Variants in TRAPPC12 observed in about 807,000 individuals in gnomAD.
TRAPPC12 encodes the protein trafficking protein particle complex subunit 12, also known as TPR repeat protein 15.
Under a neutral mutation model 69.2 loss-of-function variants are expected in TRAPPC12, and 61 were observed. The observed-to-expected ratio is 0.88, with a 90% CI of 0.72 to 1.09. TRAPPC12 has a LOEUF of 1.09. Ranked by LOEUF, TRAPPC12 falls within the 50% of genes least tolerant of loss-of-function variation. The pLI is 0.00. For missense variants in TRAPPC12, 1,101 were observed against 1,016.4 expected, an observed-to-expected ratio of 1.08 and a Z score of -1.13; for synonymous variants, 469 against 438.9, an observed-to-expected ratio of 1.07 and a Z score of -0.86.
chr2:3,401,446 CT>C, intron 2 of TRAPPC12, among the ~76,000 whole-genome samples: 1 of 152,350 alleles, frequency 6.6e-6, no homozygotes, highest in East Asian at 1.9e-4. Flanking sequence ...TCTCTGCTGG[CT>C]TGGCTTTGCC....
chr2:3,466,254 G>A (rs959526632), intron 9 of TRAPPC12: 2 of 471,030 alleles, frequency 4.2e-6, no homozygotes, highest in Non-Finnish European at 8.8e-6. Context: ...ACCCTTGCAG[G>A]CGGAGCACAG....
intron 1 of TRAPPC12, among the ~76,000 whole-genome samples, chr2:3,383,919 A>G (rs1660371151): frequency 1.3e-5 from 1 of 79,260 alleles, no homozygotes; most frequent in Non-Finnish European, 2.5e-5. Context: ...TTTTGAGATG[A>G]AGTTTCGCTG....
chr2:3,431,491 G>A (rs1663437044), intron 5 of TRAPPC12, among the ~76,000 whole-genome samples: 1 of 152,164 alleles, frequency 6.6e-6, no homozygotes, highest in African/African-American at 2.4e-5. Flanking sequence ...AACTATTTAC[G>A]TTAGGGCTTT....
chr2:3,419,532 T>C (rs1007472013), intron 3 of TRAPPC12, among the ~76,000 whole-genome samples: 3 of 151,970 alleles, frequency 2.0e-5, no homozygotes, highest in African/African-American at 7.3e-5. Context: ...ACCGATCTCA[T>C]CTTCACCGTC....
At chr2:3,390,162 C>T (rs578058103) in intron 2 of TRAPPC12, among the ~76,000 whole-genome samples, 40 of 152,136 alleles carry the variant, frequency 2.6e-4, no homozygotes, top group Non-Finnish European at 5.3e-4. Context: ...CAGGTTTCAC[C>T]GGGGACCGCC....
chr2:3,386,389 A>G (rs886490294), intron 1 of TRAPPC12, among the ~76,000 whole-genome samples: 1 of 152,224 alleles, frequency 6.6e-6, no homozygotes, highest in African/African-American at 2.4e-5. Context: ...TCTTTGTCTC[A>G]TTCTTTGGCT....
intron 3 of TRAPPC12, 64 bp downstream of exon 3, chr2:3,401,957 T>C (rs570990951): frequency 3.5e-5 from 39 of 1,120,274 alleles, no homozygotes; most frequent in Non-Finnish European, 4.8e-5. Context: ...CTTCATAATA[T>C]TTTCTCTAGA....
At chr2:3,421,447 A>G (rs777330599) in intron 3 of TRAPPC12, among the ~76,000 whole-genome samples, 8 of 152,272 alleles carry the variant, frequency 5.3e-5, no homozygotes, top group South Asian at 4.1e-4. Flanking sequence ...GTCATATGCA[A>G]ATCTTACAGA....
chr2:3,429,198 C>T (rs1457221976), intron 5 of TRAPPC12, among the ~76,000 whole-genome samples: 1 of 152,206 alleles, frequency 6.6e-6, no homozygotes, highest in African/African-American at 2.4e-5. Flanking sequence ...TGGAAGTCCT[C>T]TGTGTCCCTG....
At chr2:3,422,120 A>G (rs1662834281) in intron 4 of TRAPPC12, 126 bp downstream of exon 4, 2 of 758,072 alleles carry the variant, frequency 2.6e-6, no homozygotes, top group Non-Finnish European at 4.4e-6. Flanking sequence ...TTTCTCTCCT[A>G]ATTATATTGT....
intron 4 of TRAPPC12, among the ~76,000 whole-genome samples, chr2:3,422,225 A>T (rs886782269): frequency 6.6e-6 from 1 of 152,164 alleles, no homozygotes; most frequent in Admixed American, 6.5e-5. Flanking sequence ...ACTCAGTCTC[A>T]TGGTGGAACC....
chr2:3,468,861 C>T (rs79201434), intron 9 of TRAPPC12, among the ~76,000 whole-genome samples: 2,464 of 152,284 alleles, frequency 0.016, 98 homozygotes, highest in South Asian at 0.13. Context: ...CATCTCAGCA[C>T]GGGATGGAGG....
chr2:3,449,392 G>A (rs570387350), intron 6 of TRAPPC12: 1 of 152,458 alleles, frequency 6.6e-6, no homozygotes, highest in South Asian at 2.1e-4. Context: ...CGCAGCCTCC[G>A]GCTTCCCCAC....
chr2:3,433,288 G>A (rs1000065401), intron 5 of TRAPPC12, among the ~76,000 whole-genome samples: 7 of 152,196 alleles, frequency 4.6e-5, no homozygotes, highest in African/African-American at 1.2e-4. Context: ...CAAAGCACTC[G>A]CGTAACTTGA....
chr2:3,453,920 G>A (rs560978155), intron 6 of TRAPPC12, among the ~76,000 whole-genome samples: 251 of 152,276 alleles, frequency 1.6e-3, no homozygotes, highest in African/African-American at 5.9e-3. Flanking sequence ...AGCAATAAAA[G>A]CTACCAACTG....
intron 5 of TRAPPC12, among the ~76,000 whole-genome samples, chr2:3,426,021 C>T (rs1663081864): frequency 6.6e-6 from 1 of 152,148 alleles, no homozygotes; most frequent in African/African-American, 2.4e-5. Flanking sequence ...CCCATGCTCT[C>T]TCCTTTATCA....
In TRAPPC12 at chr2:3,479,460, A is replaced by G; in HGVS notation, c.2207A>G (p.Ter736TrpextTer18). ...SFNTQCLKLA[*>W] The stretch of plus-strand genomic sequence containing the variant: ...AACACACAGTGCCTCAAGCTGGCCT[A>G]GCTGCCTCCAACACACTACGTCAGA... The change falls in exon 12 of 12, where the codon TAG becomes TGG. Residue 736 changes from the stop codon to tryptophan, a stop_lost. Transcript: ENST00000324266. The G allele has an allele frequency of 6.2e-7, 1 of 1,613,768 alleles. No homozygotes were observed. The highest frequency in any genetic ancestry group is 8.5e-7 in the Non-Finnish European group (1 of 1,179,940).
At chr2:3,381,710 A>G (rs774121029) in intron 1 of TRAPPC12, among the ~76,000 whole-genome samples, 1 of 152,214 alleles carries the variant, frequency 6.6e-6, no homozygotes, top group African/African-American at 2.4e-5. Flanking sequence ...AAGTCAACCC[A>G]GTCTTCCATT....
intron 9 of TRAPPC12, among the ~76,000 whole-genome samples, chr2:3,469,674 C>T (rs1383994696): frequency 3.3e-5 from 5 of 152,246 alleles, no homozygotes; most frequent in African/African-American, 1.2e-4. Flanking sequence ...CTTCCGCTGC[C>T]TCCTCAGGCC....
Sources: gnomAD v4.1 joint callset for allele counts (sites outside exome capture counted in the v4.1 genomes callset) on GRCh38, gnomAD v4.1.1 for gene constraint, MANE v1.5 for transcripts, NCBI Gene and HGNC (gene_info 2026-07-23, HGNC 2026-07-21) for gene names.